The following STAU1 variants were observed in gnomAD, a reference collection of about 807,000 sequenced individuals.
STAU1 encodes the protein double-stranded RNA-binding protein Staufen homolog 1.
A neutral mutation model predicts 62.9 loss-of-function variants in STAU1; 13 were observed. The ratio of observed to expected loss-of-function variants is 0.21; its 90% CI spans 0.13 to 0.33. The LOEUF is 0.33. STAU1 is among the 10% of genes least tolerant of loss of function. STAU1 has a pLI of 1.00. For synonymous variants in STAU1, 269 were observed against 265.1 expected (o/e 1.01, Z -0.14); for missense variants, 571 against 712.1 (o/e 0.80, Z 2.25).
intron 6 of STAU1, among the ~76,000 whole-genome samples, chr20:49,130,862 C>T (rs1337119794): frequency 1.3e-5 from 2 of 151,726 alleles, no homozygotes; most frequent in Non-Finnish European, 2.9e-5. Context: ...CATTTGAACC[C>T]GGGAGCCAGA....
At chr20:49,170,277 T>C (rs1488328171) in intron 2 of STAU1, among the ~76,000 whole-genome samples, 3 of 152,244 alleles carry the variant, frequency 2.0e-5, no homozygotes, top group Non-Finnish European at 4.4e-5. Flanking sequence ...GTGCTACTAA[T>C]ACATGGTTAG....
At chr20:49,160,720 G>A (rs1690416108) in intron 3 of STAU1, among the ~76,000 whole-genome samples, 1 of 152,150 alleles carries the variant, frequency 6.6e-6, no homozygotes, top group Non-Finnish European at 1.5e-5. Flanking sequence ...TGAAACCAAA[G>A]ACAATACAAA....
chr20:49,158,485 T>C, intron 3 of STAU1: 1 of 1,304,586 alleles, frequency 7.7e-7, no homozygotes, highest in South Asian at 1.2e-5. Context: ...ATTCCCTCAG[T>C]GCACGGCTTC....
chr20:49,184,332 G>A (rs143447705), intron 1 of STAU1, among the ~76,000 whole-genome samples: 2 of 152,138 alleles, frequency 1.3e-5, no homozygotes, highest in Non-Finnish European at 2.9e-5. Context: ...GGTTGGGGTG[G>A]CTGGAGCCTA....
At chr20:49,175,814 T>TTTTTTTG (rs2093653263) in intron 1 of STAU1, among the ~76,000 whole-genome samples, 4 of 144,094 alleles carry the variant, frequency 2.8e-5, no homozygotes, top group South Asian at 2.3e-4. Context: ...TTTTTTTTTT[T>TTTTTTTG]GAGACGGAGT....
intron 1 of STAU1, among the ~76,000 whole-genome samples, chr20:49,177,224 T>G (rs773079658): frequency 7.9e-5 from 12 of 150,992 alleles, no homozygotes; most frequent in Non-Finnish European, 1.6e-4. Flanking sequence ...GTGTTCAGTT[T>G]TCTAGCCCAA....
intron 13 of STAU1, 30 bp from the exon 14 acceptor site, chr20:49,114,923 A>G (rs368549529): frequency 5.3e-5 from 85 of 1,610,124 alleles, no homozygotes; most frequent in Admixed American, 2.7e-4. Flanking sequence ...AAATGACACT[A>G]GTTTTGAAAT....
upstream of STAU1, among the ~76,000 whole-genome samples, chr20:49,193,290 T>C (rs1334088021): frequency 6.6e-6 from 1 of 151,724 alleles, no homozygotes; most frequent in Non-Finnish European, 1.5e-5. Context: ...GGCACGAGAA[T>C]CGCTTGAACC....
At chr20:49,185,741 C>T (rs1024417464) in intron 1 of STAU1, among the ~76,000 whole-genome samples, 1 of 151,990 alleles carries the variant, frequency 6.6e-6, no homozygotes, top group Non-Finnish European at 1.5e-5. Context: ...ATTCGAGTTT[C>T]GCATGTTTTC....
intron 4 of STAU1, among the ~76,000 whole-genome samples, 190 bp downstream of exon 4, chr20:49,153,723 AAAAAAAAAAAAAAAAAAAAG>A (rs2093303923): frequency 3.8e-5 from 2 of 53,326 alleles, no homozygotes; most frequent in Non-Finnish European, 9.0e-5. Context: ...AAAAAAAAAA[AAAAAAAAAAAAAAAAAAAAG>A]AAAGAAAGAA....
intron 3 of STAU1, among the ~76,000 whole-genome samples, chr20:49,161,731 GACT>G (rs1468096413): frequency 1.3e-5 from 2 of 152,160 alleles, no homozygotes; most frequent in East Asian, 1.9e-4. Context: ...CAGTATATAA[GACT>G]ACTATTCTCC....
chr20:49,125,447 T>C (rs1280493205), intron 6 of STAU1, among the ~76,000 whole-genome samples: 1 of 148,112 alleles, frequency 6.8e-6, no homozygotes, highest in Admixed American at 6.8e-5. Context: ...CAAAAACCCC[T>C]TGAACCTGAG....
intron 7 of STAU1, among the ~76,000 whole-genome samples, chr20:49,123,874 G>A (rs1397184899): frequency 6.6e-6 from 1 of 152,228 alleles, no homozygotes; most frequent in Non-Finnish European, 1.5e-5. Context: ...ATGGAATTAT[G>A]TCCCCTTTCT....
chr20:49,154,908 A>G (rs1658346528), intron 3 of STAU1, among the ~76,000 whole-genome samples: 1 of 151,052 alleles, frequency 6.6e-6, no homozygotes. Context: ...AACACGGTGA[A>G]ACCCCGTTTC....
Position 49,117,037 on chromosome 20 carries a change from C to A in STAU1, c.1632+89G>T, listed in dbSNP as rs905452905. On this transcript the variant is annotated intron_variant, in intron 12 of 13. Coordinates refer to ENST00000371856, the MANE Select transcript of STAU1 (RefSeq NM_017453.4). The surrounding 1 kb of genome is among the most constrained non-coding windows in gnomAD (Gnocchi z 4.6). ...AAGGTCTATGGGACAATCTTTCTCC[C>A]ATCTTCCTCAGGCTAGTAACAAGCT... The A allele has an allele frequency of 2.6e-5, 39 of 1,519,240 alleles. No individual in the cohort carries two copies. The highest frequency in any genetic ancestry group is 3.5e-5 in the Non-Finnish European group (39 of 1,116,298). 94.1% of individuals were successfully genotyped at this position (1,519,240 alleles called of 1,614,324 possible).
intron 3 of STAU1, among the ~76,000 whole-genome samples, chr20:49,161,705 C>G (rs897811431): frequency 1.3e-5 from 2 of 152,124 alleles, no homozygotes; most frequent in African/African-American, 2.4e-5. Context: ...ACGTTAAGAG[C>G]ACTGAAGTCA....
rs965468158 is a variant in STAU1, at chr20:49,114,542, GA to G, written c.*335del. 3.2e-4 allele frequency: 96 copies of G among 304,724 alleles called. No homozygotes were observed. The highest frequency in any genetic ancestry group is 5.1e-4 in the South Asian group (6 of 11,728). The allele number at this position is 304,724 out of a possible 1,614,324, so 18.9% of individuals were successfully genotyped here. A position where few individuals can be genotyped will look rare whatever the true frequency, so the allele number is the denominator to read the frequency against. The stretch of plus-strand genomic sequence containing the variant: ...GTGCCGTTTCTTCTTTCACACAGGG[GA>G]AAAAAAAGACCAAACACGGAGGTGC... On this transcript the variant is annotated 3_prime_UTR_variant, in exon 14 of 14. Transcript: ENST00000371856.
rs202174459 is a variant in STAU1 at position 49,166,096 on chromosome 20, G to A, written c.106C>T (p.Pro36Ser). 3 of 1,614,202 alleles carry A rather than the reference G, an allele frequency of 1.9e-6. No individual in the cohort carries two copies. Among genetic ancestry groups the A allele is most frequent in the Non-Finnish European group, 8.5e-7 (1 of 1,180,034 alleles). ...GAGGGCAGAGAGCTAGTAGTAGAAG[G>A]AATACTCATCAAAGGCTGTGAGAGA... The part of the protein sequence containing the change: ...SLLSQPLMSI[P>S]STTSSLPSEN... The change falls in exon 3 of 14, where the codon CCT becomes TCT. Residue 36 changes from proline to serine, a missense_variant. Pro to Ser is a moderately conservative substitution (Grantham distance 74, BLOSUM62 -1). Coordinates refer to ENST00000371856, the MANE Select transcript of STAU1 (RefSeq NM_017453.4).
chr20:49,165,908 T>C (rs569745014), intron 3 of STAU1, 89 bp downstream of exon 3: 8 of 1,344,906 alleles, frequency 5.9e-6, no homozygotes, highest in African/African-American at 5.8e-5. Flanking sequence ...AAGGTAAATG[T>C]GAGAGCTCCC....
Sources: gnomAD v4.1 joint callset for allele counts (sites outside exome capture counted in the v4.1 genomes callset) on GRCh38, gnomAD v4.1.1 for gene constraint, Gnocchi (gnomAD v3.1) non-coding constraint, MANE v1.5 for transcripts, NCBI Gene and HGNC (gene_info 2026-07-23, HGNC 2026-07-21) for gene names.